The following BPIFB1 variants were observed in gnomAD, a reference collection of about 807,000 sequenced individuals.
BPIFB1 encodes BPI fold containing family B member 1.
BPIFB1 carries 34 observed loss-of-function variants against 55.1 expected under a neutral mutation model. That is an observed-to-expected ratio of 0.62 (90% CI 0.47 to 0.82). The LOEUF is 0.82. Among genes scored for constraint, BPIFB1 ranks in the 40% least tolerant of loss-of-function variants. BPIFB1 has a pLI of 0.00. For missense variants in BPIFB1, 532 were observed against 593.1 expected, an observed-to-expected ratio of 0.90 and a Z score of 1.07; for synonymous variants, 236 against 245.3, an observed-to-expected ratio of 0.96 and a Z score of 0.35.
In BPIFB1 at chr20:33,286,202, C is replaced by T; in HGVS notation, c.115+14C>T. 1 of 1,611,904 alleles carries T rather than the reference C, an allele frequency of 6.2e-7. No individual in the cohort carries two copies. Among genetic ancestry groups the T allele is most frequent in the Middle Eastern group, 1.7e-4 (1 of 6,058 alleles). Reference sequence around the variant, plus strand: ...TCATCAAAGAAAGTAAGTTTTGTCCCTCCGGAGCTGGCTGCCATAAGACAA... The same window carrying T: ...TCATCAAAGAAAGTAAGTTTTGTCCTTCCGGAGCTGGCTGCCATAAGACAA... On this transcript the variant is annotated intron_variant, in intron 2 of 15. Coordinates refer to ENST00000253354, the MANE Select transcript of BPIFB1 (RefSeq NM_033197.3).
At chr20:33,286,783 T>A (rs1432025041) in intron 2 of BPIFB1, among the ~76,000 whole-genome samples, 1 of 152,182 alleles carries the variant, frequency 6.6e-6, no homozygotes, top group Non-Finnish European at 1.5e-5. Context: ...TTATGGGGGG[T>A]GTCCTGGGCA....
chr20:33,304,902 A>C lies in BPIFB1; in HGVS notation c.1254+11A>C. On this transcript the variant is annotated intron_variant, in intron 13 of 15. Transcript: ENST00000253354. ...ATTGGCTGGTTCCAAGTAAGTGTTA[A>C]CAGGTGGTGCCTGAGGGCACAGGGG... 6.2e-7 allele frequency: 1 copy of C among 1,614,054 alleles called. No homozygotes were observed.
intron 13 of BPIFB1, 110 bp from the exon 14 acceptor site, chr20:33,305,892 C>A: frequency 2.5e-6 from 3 of 1,219,560 alleles, no homozygotes; most frequent in Non-Finnish European, 3.6e-6. Context: ...GGAATTCCTA[C>A]ATCTCCACCA....
chr20:33,283,629 G>A lies in BPIFB1; in HGVS notation c.-42+375G>A, dbSNP rs77233465. Among the ~76,000 whole-genome samples the A allele has an allele frequency of 8.0e-3, 1,215 of 152,272 alleles. 5 individuals are homozygous for A. The highest frequency in any genetic ancestry group is 0.012 in the Non-Finnish European group (836 of 68,028). On this transcript the variant is annotated intron_variant, in intron 1 of 15. Transcript: ENST00000253354. ...AGTGCAGGACAATGTGGTGCCCAAG[G>A]AAGACCCAGGGACATGGGAGTGGAG...
Position 33,304,707 on chromosome 20 carries a change from A to C in BPIFB1, c.1209-139A>C, listed in dbSNP as rs1029693367. On this transcript the variant is annotated intron_variant, in intron 12 of 15. Coordinates refer to ENST00000253354, the MANE Select transcript of BPIFB1 (RefSeq NM_033197.3). Reference sequence around the variant, plus strand: ...CTGCCATTAGAATGCAAGCTCCACGACGCAAGGGCTTCATGTGGTTCACTG... The same window carrying C: ...CTGCCATTAGAATGCAAGCTCCACGCCGCAAGGGCTTCATGTGGTTCACTG... The C allele has an allele frequency of 1.2e-5, 12 of 990,998 alleles. No individual in the cohort carries two copies. The African/African-American group carries it at 1.8e-4, about 14-fold the overall frequency. 61.4% of individuals were successfully genotyped at this position (990,998 alleles called of 1,614,324 possible).
At chr20:33,295,325 G>A (rs974052692) in intron 6 of BPIFB1, among the ~76,000 whole-genome samples, 16 of 151,454 alleles carry the variant, frequency 1.1e-4, no homozygotes, top group Admixed American at 5.3e-4. Flanking sequence ...ATCTAGCTAG[G>A]CTGGTCGTGG....
At chr20:33,305,059 A>C (rs546081464) in intron 13 of BPIFB1, among the ~76,000 whole-genome samples, 168 bp downstream of exon 13, 8 of 152,194 alleles carry the variant, frequency 5.3e-5, no homozygotes, top group Non-Finnish European at 1.2e-4. Flanking sequence ...TTTACAGAGA[A>C]GCCACCACGT....
intron 1 of BPIFB1, among the ~76,000 whole-genome samples, chr20:33,285,086 G>C (rs1189492462): frequency 6.6e-6 from 1 of 152,180 alleles, no homozygotes. Context: ...CAGGTTCCCT[G>C]TCTGCAGGAC....
At chr20:33,303,932 T>C (rs772731039) in intron 11 of BPIFB1, 26 bp from the exon 12 acceptor site, 114 of 1,612,742 alleles carry the variant, frequency 7.1e-5, no homozygotes, top group Non-Finnish European at 9.4e-5. Flanking sequence ...TTGAGAACAA[T>C]GGGGCCTGGG....
chr20:33,302,297 G>A (rs1005015190), intron 9 of BPIFB1, 62 bp from the exon 10 acceptor site: 8 of 1,544,380 alleles, frequency 5.2e-6, no homozygotes, highest in Non-Finnish European at 5.4e-6. Context: ...CAGCAGTGGG[G>A]TGCAGGAGAT....
intron 15 of BPIFB1, chr20:33,307,311 GAAC>G: frequency 3.7e-6 from 1 of 271,982 alleles, no homozygotes; most frequent in Non-Finnish European, 7.0e-6. Context: ...CCACCGAAAT[GAAC>G]AAATGGAAAA....
intron 15 of BPIFB1, among the ~76,000 whole-genome samples, chr20:33,308,478 A>G (rs1981108035): frequency 1.3e-5 from 2 of 151,208 alleles, no homozygotes; most frequent in Non-Finnish European, 2.9e-5. Flanking sequence ...ACCTTTATAC[A>G]CCTATACACA....
Position 33,291,062 on chromosome 20 carries a change from C to T in BPIFB1, c.471C>T (p.Asp157=), listed in dbSNP as rs767557167. The change falls in exon 5 of 16, where the codon GAC becomes GAT. Residue 157 remains aspartate (D), a synonymous_variant. Coordinates refer to ENST00000253354, the MANE Select transcript of BPIFB1 (RefSeq NM_033197.3). ...GCCCCACCCGCCTGGTCCTCAGTGA[C>T]TGTGCCACCAGCCATGGGAGCCTGC... ...ASGPTRLVLS[D]CATSHGSLRI... is the part of the protein sequence containing the mutation. The T allele has an allele frequency of 4.3e-6, 7 of 1,613,428 alleles. No individual in the cohort carries two copies. The highest frequency in any genetic ancestry group is 5.9e-6 in the Non-Finnish European group (7 of 1,180,024).
At chr20:33,305,329 T>TC (rs1479953580) in intron 13 of BPIFB1, among the ~76,000 whole-genome samples, 2 of 147,622 alleles carry the variant, frequency 1.4e-5, no homozygotes, top group Non-Finnish European at 3.0e-5. Context: ...TTTTTTTTTT[T>TC]TTTTTTGAGA....
Position 33,286,183 on chromosome 20 carries a change from A to G in BPIFB1, c.110A>G (p.Lys37Arg), listed in dbSNP as rs769324424. The G allele has an allele frequency of 1.1e-5, 17 of 1,614,036 alleles. No individual in the cohort carries two copies. Among genetic ancestry groups the G allele is most frequent in the Non-Finnish European group, 1.4e-5 (17 of 1,180,004 alleles). Residue 37 changes from lysine (K) to arginine (R), a missense_variant, in exon 2 of 16, where the codon AAA (lysine) becomes AGA (arginine). Physicochemically the swap from Lys to Arg is conservative, Grantham distance 26. Transcript: ENST00000253354. ...CTCATCCTCGGCCCAAAAGTCATCA[A>G]AGAAAGTAAGTTTTGTCCCTCCGGA... Reference protein sequence around the residue: ...AVLILGPKVIKEKLTQELKDH... With the variant: ...AVLILGPKVIREKLTQELKDH...
Position 33,291,989 on chromosome 20 carries a change from G to C in BPIFB1, c.597+1G>C, listed in dbSNP as rs776546236. 2 of 1,614,150 alleles carry C rather than the reference G, an allele frequency of 1.2e-6. No homozygotes were observed. Among genetic ancestry groups the C allele is most frequent in the South Asian group, 2.2e-5 (2 of 91,086 alleles). On this transcript the variant is annotated splice_donor_variant, in intron 6 of 15. Coordinates refer to ENST00000253354, the MANE Select transcript of BPIFB1 (RefSeq NM_033197.3). LOFTEE classifies it high-confidence loss of function. ...CCTGCCCAATCTAGTGAAAAACCAGGTGAGTGGAATCAGGGCCTCTCTGGC... is the reference window on the plus strand; with the variant it reads ...CCTGCCCAATCTAGTGAAAAACCAGCTGAGTGGAATCAGGGCCTCTCTGGC...
intron 12 of BPIFB1, among the ~76,000 whole-genome samples, chr20:33,304,461 T>C (rs1006056614): frequency 6.6e-5 from 10 of 152,246 alleles, no homozygotes; most frequent in Non-Finnish European, 2.9e-5. Flanking sequence ...AGGGCTGGGC[T>C]GTTTAATATA....
chr20:33,295,881 G>T (rs566050097), intron 6 of BPIFB1, among the ~76,000 whole-genome samples: 1 of 140,042 alleles, frequency 7.1e-6, no homozygotes, highest in Non-Finnish European at 1.5e-5. Context: ...GGATTGGGAA[G>T]GGAAGGAAGG....
chr20:33,299,502 G>C (rs1183437394), intron 7 of BPIFB1, among the ~76,000 whole-genome samples: 2 of 152,198 alleles, frequency 1.3e-5, no homozygotes, highest in East Asian at 1.9e-4. Context: ...TAGGGGCGGT[G>C]GAGTGTTACA....
Sources: gnomAD v4.1 joint callset for allele counts (sites outside exome capture counted in the v4.1 genomes callset) on GRCh38, gnomAD v4.1.1 for gene constraint, MANE v1.5 for transcripts, NCBI Gene and HGNC (gene_info 2026-07-23, HGNC 2026-07-21) for gene names.